Variants in NKAPD1 observed in about 807,000 individuals in gnomAD.
The protein encoded by NKAPD1 is NKAP domain containing 1.
A neutral mutation model predicts 30.9 loss-of-function variants in NKAPD1; 12 were observed. The observed-to-expected ratio is 0.39, with a 90% confidence interval of 0.25 to 0.63. The LOEUF (loss-of-function observed/expected upper bound fraction) is 0.63, where lower values mean the gene tolerates loss of function less well. Ranked by LOEUF, NKAPD1 falls within the 20% of genes least tolerant of loss-of-function variation. The probability of loss-of-function intolerance (pLI) is 0.51; values close to 1 mark genes in which losing one functional copy is unlikely to be tolerated. For missense variants in NKAPD1, 311 were observed against 344.5 expected (o/e 0.90, Z 0.77); for synonymous variants, 91 against 113.6 (o/e 0.80, Z 1.26).
Position 112,078,211 on chromosome 11 carries a change from C to G in NKAPD1, c.70-4C>G. 2 of 1,580,280 alleles carry G rather than the reference C, an allele frequency of 1.3e-6. No individual in the cohort carries two copies. Among genetic ancestry groups the G allele is most frequent in the South Asian group, 1.2e-5 (1 of 85,030 alleles). ...TATTTTTATTTCCTTTTTAAAAATT[C>G]TAGATTCAGGAGGAATCAGATATGT... On this transcript the variant is annotated splice_polypyrimidine_tract_variant and splice_region_variant and intron_variant, in intron 2 of 5. Coordinates refer to ENST00000393047, the MANE Select transcript of NKAPD1 (RefSeq NM_018195.4).
chr11:112,080,641 G>A, intron 4 of NKAPD1, 83 bp downstream of exon 4: 11 of 1,481,224 alleles, frequency 7.4e-6, no homozygotes, highest in Non-Finnish European at 1.0e-5. Flanking sequence ...CAAAAAACTT[G>A]TGTACAAAAG....
chr11:112,083,071 C>A lies in NKAPD1; in HGVS notation c.*99C>A, dbSNP rs889951758. 50 of 1,320,414 alleles carry A rather than the reference C, an allele frequency of 3.8e-5. No individual in the cohort carries two copies. The African/African-American group carries it at 7.2e-4, about 19-fold the overall frequency. 81.8% of individuals were successfully genotyped at this position (1,320,414 alleles called of 1,614,324 possible). A position where few individuals can be genotyped will look rare whatever the true frequency, so the allele number is the denominator to read the frequency against. On this transcript the variant is annotated 3_prime_UTR_variant, in exon 6 of 6. Transcript: ENST00000393047. ...TCTTGTTCAGCACGGGGCCTGAGGT[C>A]AGAGCTGTCTTGTGCCATCTGTATG...
rs1287266914 is a variant in NKAPD1 at position 112,082,873 on chromosome 11, C to T, written c.783C>T (p.Thr261=). The T allele has an allele frequency of 1.9e-6, 3 of 1,613,446 alleles. No homozygotes were observed. The African/African-American group carries it at 4.0e-5, about 22-fold the overall frequency. Residue 261 remains threonine, a synonymous_variant, in exon 6 of 6, where the codon ACC becomes ACT. Transcript: ENST00000393047. Reference sequence around the variant, plus strand: ...AAAAGAGAGAGAAAAAAGCCCATACCTCTGTAGCCAACAATGAAATACAGG... The same window carrying T: ...AAAAGAGAGAGAAAAAAGCCCATACTTCTGTAGCCAACAATGAAATACAGG... The part of the protein sequence containing the change: ...KRKKREKKAH[T]SVANNEIQER...
intron 2 of NKAPD1, among the ~76,000 whole-genome samples, chr11:112,077,838 CTTTT>C (rs779925830): frequency 7.2e-6 from 1 of 139,716 alleles, no homozygotes; most frequent in Non-Finnish European, 1.6e-5. Flanking sequence ...CAGTTAGTTG[CTTTT>C]TTTTTTTTTT....
chr11:112,081,382 C>G (rs1431140008), intron 4 of NKAPD1: 1 of 151,688 alleles, frequency 6.6e-6, no homozygotes, highest in Non-Finnish European at 1.5e-5. Flanking sequence ...GCTTGTAATC[C>G]CAGCACTTTG....
chr11:112,078,463 A>G, intron 3 of NKAPD1, 148 bp downstream of exon 3: 9 of 699,548 alleles, frequency 1.3e-5, no homozygotes, highest in South Asian at 1.2e-4. Flanking sequence ...ACCCAGGCAT[A>G]AAGATAATGG....
chr11:112,076,966 G>A (rs1391042894), intron 2 of NKAPD1, among the ~76,000 whole-genome samples: 1 of 152,238 alleles, frequency 6.6e-6, no homozygotes, highest in Non-Finnish European at 1.5e-5. Flanking sequence ...ACTTGGAGTA[G>A]AGGAGAAAAG....
chr11:112,079,141 AT>A (rs35305300), intron 3 of NKAPD1, among the ~76,000 whole-genome samples: 38 of 115,924 alleles, frequency 3.3e-4, no homozygotes, highest in Middle Eastern at 5.3e-3. Context: ...GGCCCTTACA[AT>A]TTTTTTTTTT....
chr11:112,075,954 C>T (rs1271665791), intron 2 of NKAPD1, among the ~76,000 whole-genome samples: 2 of 152,162 alleles, frequency 1.3e-5, no homozygotes, highest in Non-Finnish European at 2.9e-5. Context: ...TGAACTGGTT[C>T]TTGAATAGGT....
Position 112,085,065 on chromosome 11 carries a change from A to C in NKAPD1, c.*2093A>C, listed in dbSNP as rs1230631277. 1 of 395,570 alleles carries C rather than the reference A, an allele frequency of 2.5e-6. No individual in the cohort carries two copies. The highest frequency in any genetic ancestry group is 4.0e-5 in the Admixed American group (1 of 24,692). The allele number at this position is 395,570 out of a possible 1,614,324, so 24.5% of individuals were successfully genotyped here. ...AATTCTAAAATGGGATTAAAAGAAG[A>C]GTTGGAGAATTCACACTTATTGAGT... On this transcript the variant is annotated 3_prime_UTR_variant, in exon 6 of 6. Transcript: ENST00000393047.
chr11:112,082,954 G>T lies in NKAPD1; in HGVS notation c.864G>T (p.Glu288Asp). Residue 288 changes from glutamate (E) to aspartate (D), a missense_variant, in exon 6 of 6, where the codon GAG (glutamate) becomes GAT (aspartate). Physicochemically the swap from Glu to Asp is conservative, Grantham distance 45. Transcript: ENST00000393047. Reference sequence around the variant, plus strand: ...TAGCTACAGATGAAAGGTCTGCTGAGAGCTCAGAGGATGACTAAATGGGAA... The same window carrying T: ...TAGCTACAGATGAAAGGTCTGCTGATAGCTCAGAGGATGACTAAATGGGAA... ...WKVATDERSA[E>D]SSEDD The T allele has an allele frequency of 1.3e-6, 2 of 1,591,692 alleles. No homozygotes were observed. The highest frequency in any genetic ancestry group is 1.7e-6 in the Non-Finnish European group (2 of 1,174,020).
In NKAPD1 at chr11:112,084,178, C is replaced by T. The variant is rs1865525230; in HGVS notation, c.*1206C>T. 1 of 152,492 alleles carries T rather than the reference C, an allele frequency of 6.6e-6. No homozygotes were observed. The highest frequency in any genetic ancestry group is 1.5e-5 in the Non-Finnish European group (1 of 68,032). 9.4% of individuals were successfully genotyped at this position (152,492 alleles called of 1,614,324 possible). On this transcript the variant is annotated 3_prime_UTR_variant, in exon 6 of 6. Transcript: ENST00000393047. ...TGCCACTCATTGGTTATGAGGAGGCCCAGAGCAGGTAAGTTCACCTTCCTG... is the reference window on the plus strand; with the variant it reads ...TGCCACTCATTGGTTATGAGGAGGCTCAGAGCAGGTAAGTTCACCTTCCTG...
intron 5 of NKAPD1, 181 bp from the exon 6 acceptor site, chr11:112,082,284 C>A: frequency 1.4e-6 from 1 of 708,924 alleles, no homozygotes; most frequent in Non-Finnish European, 2.2e-6. Flanking sequence ...GAATTTTTAC[C>A]TTCATTTTAA....
chr11:112,079,738 A>G (rs536811859), intron 3 of NKAPD1, among the ~76,000 whole-genome samples: 6 of 152,166 alleles, frequency 3.9e-5, no homozygotes, highest in South Asian at 2.1e-4. Context: ...ATCACATGAC[A>G]TAGTCCAGAG....
Position 112,074,604 on chromosome 11 carries a change from T to C in NKAPD1, c.-321T>C, listed in dbSNP as rs2135236736. 1 of 397,980 alleles carries C rather than the reference T, an allele frequency of 2.5e-6. No individual in the cohort carries two copies. The highest frequency in any genetic ancestry group is 4.4e-5 in the Admixed American group (1 of 22,704). 24.7% of individuals were successfully genotyped at this position (397,980 alleles called of 1,614,324 possible). A position where few individuals can be genotyped will look rare whatever the true frequency, so the allele number is the denominator to read the frequency against. ...GAGTGAAACTTACCCCCGGGGTTCG[T>C]CCTAGAGGAGCGTGAGCGGGGAATG... On this transcript the variant is annotated 5_prime_UTR_variant, in exon 1 of 6. Coordinates refer to ENST00000393047, the MANE Select transcript of NKAPD1 (RefSeq NM_018195.4).
At position 112,082,801 on chromosome 11, in the gene NKAPD1, C is replaced by T. The variant is rs1422307191; in HGVS notation, c.711C>T (p.Ser237=). The T allele has an allele frequency of 6.2e-7, 1 of 1,613,718 alleles. No individual in the cohort carries two copies. The highest frequency in any genetic ancestry group is 1.7e-5 in the Admixed American group (1 of 59,916). Residue 237 remains serine, a synonymous_variant, in exon 6 of 6, where the codon AGC becomes AGT. Transcript: ENST00000393047. The part of the protein sequence containing the change: ...NTSHSDDSAS[S]SSEESEERDT... ...CACATTCAGATGATTCAGCATCCAG[C>T]AGTTCTGAGGAAAGTGAGGAAAGAG...
chr11:112,080,455 T>C lies in NKAPD1; in HGVS notation c.217T>C (p.Trp73Arg). The change falls in exon 4 of 6, where the codon TGG becomes CGG. Residue 73 changes from tryptophan (W) to arginine (R), a missense_variant. Transcript: ENST00000393047. ...TGATGAAGAAAGTCAAAGATACTAT[T>C]GGAGGCCAAAGAATGAAATTTCTGG... is the stretch of plus-strand genomic sequence containing the variant. Reference protein sequence around the residue: ...GFDEESQRYYWRPKNEISGTL... With the variant: ...GFDEESQRYYRRPKNEISGTL... The C allele has an allele frequency of 1.2e-6, 2 of 1,614,092 alleles. No individual in the cohort carries two copies. The highest frequency in any genetic ancestry group is 4.5e-5 in the East Asian group (2 of 44,862).
intron 3 of NKAPD1, among the ~76,000 whole-genome samples, chr11:112,078,692 G>A (rs191829293): frequency 6.6e-6 from 1 of 152,146 alleles, no homozygotes; most frequent in East Asian, 1.9e-4. Flanking sequence ...TTTGTAGCTG[G>A]AACTGCAGGT....
rs887745167 is a variant in NKAPD1 at position 112,083,298 on chromosome 11, G to A, written c.*326G>A. ...CAATAGTGACCTGGGTACACCAATC[G>A]GAATATTGAATTTGGGGAAGTCAAG... On this transcript the variant is annotated 3_prime_UTR_variant, in exon 6 of 6. Coordinates refer to ENST00000393047, the MANE Select transcript of NKAPD1 (RefSeq NM_018195.4). 2.2e-5 allele frequency: 4 copies of A among 183,054 alleles called. No homozygotes were observed. Among genetic ancestry groups the A allele is most frequent in the Admixed American group, 5.8e-5 (1 of 17,208 alleles). 11.3% of individuals were successfully genotyped at this position (183,054 alleles called of 1,614,324 possible).
Sources: gnomAD v4.1 joint callset for allele counts (sites outside exome capture counted in the v4.1 genomes callset) on GRCh38, gnomAD v4.1.1 for gene constraint, MANE v1.5 for transcripts, NCBI Gene and HGNC (gene_info 2026-07-23, HGNC 2026-07-21) for gene names.